ABCA1: variants seen among roughly 807,000 people sequenced by gnomAD.
ABCA1 encodes ATP binding cassette subfamily A member 1.
A neutral mutation model predicts 262.5 loss-of-function variants in ABCA1; 133 were observed. The observed-to-expected ratio is 0.51, with a 90% CI of 0.44 to 0.59. ABCA1 has a LOEUF of 0.59. Ranked by LOEUF, ABCA1 falls within the 20% of genes least tolerant of loss-of-function variation. The probability of loss-of-function intolerance (pLI) is 0.00; values close to 1 mark genes in which losing one functional copy is unlikely to be tolerated. For missense variants in ABCA1, 2,452 were observed against 2,777.5 expected (o/e 0.88, Z 2.63); for synonymous variants, 1,022 against 1,043.5 (o/e 0.98, Z 0.40).
intron 2 of ABCA1, among the ~76,000 whole-genome samples, chr9:104,890,272 C>CT (rs1480900325): frequency 1.3e-5 from 2 of 152,214 alleles, no homozygotes; most frequent in South Asian, 2.1e-4. Context: ...TTTTTGTCTT[C>CT]TTTTTTTAAA....
intron 7 of ABCA1, among the ~76,000 whole-genome samples, chr9:104,853,916 T>G (rs1835605560): frequency 6.6e-6 from 1 of 152,148 alleles, no homozygotes; most frequent in Non-Finnish European, 1.5e-5. Context: ...ATTCCTGGAG[T>G]CTGTGAATAT....
chr9:104,865,723 A>C (rs1194217998), intron 5 of ABCA1, among the ~76,000 whole-genome samples: 1 of 152,178 alleles, frequency 6.6e-6, no homozygotes, highest in Non-Finnish European at 1.5e-5. Flanking sequence ...TGAAGGTAAT[A>C]GTATCCACAT....
chr9:104,798,522 C>T lies in ABCA1; in HGVS notation c.5020G>A (p.Val1674Ile), dbSNP rs138422574. ...CTGACCCGCTCCTGGATCAGGAATA[C>T]GACAAAGCTGGCTGGGACGAAGGAC... is the stretch of plus-strand genomic sequence containing the variant. ...AMSFVPASFV[V>I]FLIQERVSKA... The change falls in exon 37 of 50, where the codon GTA becomes ATA. Residue 1674 changes from valine to isoleucine, a missense_variant. By Grantham distance (29) the Val-to-Ile change is conservative. Transcript: ENST00000374736. The T allele has an allele frequency of 5.0e-4, 799 of 1,614,092 alleles. 3 individuals are homozygous for T. The East Asian group carries it at 7.8e-3, about 16-fold the overall frequency.
Position 104,810,939 on chromosome 9 carries a change from TGGAGGG to T in ABCA1, c.4051-21_4051-16del, listed in dbSNP as rs1468249316. 6.2e-7 allele frequency: 1 copy of T among 1,613,898 alleles called. No homozygotes were observed. Among genetic ancestry groups the T allele is most frequent in the East Asian group, 2.2e-5 (1 of 44,892 alleles). On this transcript the variant is annotated splice_polypyrimidine_tract_variant and intron_variant, in intron 28 of 49. Transcript: ENST00000374736. ...GGCAAGACAATCTTTACCCAGGCAGTGGAGGGGGCAGGGGGACAGCAGGAAACGGCA... is the reference window on the plus strand; with the variant it reads ...GGCAAGACAATCTTTACCCAGGCAGTGGCAGGGGGACAGCAGGAAACGGCA...
chr9:104,923,748 T>C (rs892414099), intron 1 of ABCA1, among the ~76,000 whole-genome samples: 1 of 152,214 alleles, frequency 6.6e-6, no homozygotes, highest in Non-Finnish European at 1.5e-5. Flanking sequence ...AAAATTCAAT[T>C]AGCATTTGAT....
intron 32 of ABCA1, 114 bp downstream of exon 32, chr9:104,804,512 C>T: frequency 2.3e-6 from 2 of 868,440 alleles, no homozygotes; most frequent in South Asian, 1.3e-5. Context: ...TTCCAATAGA[C>T]AGAATCAGGC....
rs149491765 is a variant in ABCA1, at chr9:104,903,672, C to G, written c.8G>C (p.Cys3Ser). Reference protein sequence around the residue: MACWPQLRLLLWK... With the variant: MASWPQLRLLLWK... ...CAGCAGCAACCTCAGCTGAGGCCAA[C>G]AAGCCATGTTCCCTCAGCCAGCACC... The change falls in exon 2 of 50, where the codon TGT (cysteine) becomes TCT (serine). Residue 3 changes from cysteine (C) to serine (S), a missense_variant. Cys to Ser is a moderately radical substitution (Grantham distance 112). This residue lies in a region of ABCA1 where 1,032 missense variants were observed against 1,089.7 expected (regional missense o/e 0.95). Transcript: ENST00000374736. The G allele has an allele frequency of 8.9e-6, 14 of 1,579,764 alleles. No homozygotes were observed. Among genetic ancestry groups the G allele is most frequent in the South Asian group, 6.9e-5 (6 of 86,422 alleles).
intron 5 of ABCA1, among the ~76,000 whole-genome samples, chr9:104,865,257 C>T (rs1403665775): frequency 1.3e-5 from 2 of 152,108 alleles, no homozygotes; most frequent in African/African-American, 4.8e-5. Context: ...AGGGTAAGAC[C>T]CAGGCATCAG....
At chr9:104,823,655 T>C (rs750730892) in intron 18 of ABCA1, among the ~76,000 whole-genome samples, 10 of 151,828 alleles carry the variant, frequency 6.6e-5, no homozygotes, top group Non-Finnish European at 1.5e-4. Flanking sequence ...GTTGAGAAGA[T>C]AGGCAAGTTA....
In ABCA1 at chr9:104,882,472, A is replaced by G. The variant is rs369609445; in HGVS notation, c.421+567T>C. ...CTCAGTCAGAAAATGCCCACTCCCCAGATACCTCCTGGGTGGCACACAAGA... is the reference window on the plus strand; with the variant it reads ...CTCAGTCAGAAAATGCCCACTCCCCGGATACCTCCTGGGTGGCACACAAGA... On this transcript the variant is annotated intron_variant, in intron 5 of 49. Transcript: ENST00000374736. Among the ~76,000 whole-genome samples the G allele has an allele frequency of 7.2e-5, 11 of 152,326 alleles. No homozygotes were observed. The East Asian group carries it at 1.9e-3, about 27-fold the overall frequency.
In ABCA1 at chr9:104,820,314, T is replaced by C. The variant is rs534935359; in HGVS notation, c.2961-245A>G. On this transcript the variant is annotated intron_variant, in intron 20 of 49. Transcript: ENST00000374736. ...GCTTCCAACCTGTTTCCAGCAGGCC[T>C]GGCCACCATGCACCAGGCAGTTACA... is the stretch of plus-strand genomic sequence containing the variant. Among the ~76,000 whole-genome samples the C allele has an allele frequency of 4.6e-5, 7 of 152,320 alleles. 1 individual carries two copies. In the South Asian group the frequency reaches 1.5e-3, roughly 32 times the overall value.
intron 20 of ABCA1, among the ~76,000 whole-genome samples, 181 bp downstream of exon 20, chr9:104,821,194 G>T (rs181823085): frequency 1.3e-5 from 2 of 152,118 alleles, no homozygotes; most frequent in African/African-American, 4.8e-5. Flanking sequence ...AGTGAGCCGA[G>T]ATCGCGCCAC....
chr9:104,919,247 A>G (rs1390111818), intron 1 of ABCA1, among the ~76,000 whole-genome samples: 1 of 152,198 alleles, frequency 6.6e-6, no homozygotes, highest in Admixed American at 6.5e-5. Flanking sequence ...TTCTTGAAGG[A>G]TGAATGAGCC....
At chr9:104,890,032 T>C (rs893320419) in intron 2 of ABCA1, among the ~76,000 whole-genome samples, 4 of 152,318 alleles carry the variant, frequency 2.6e-5, no homozygotes, top group Admixed American at 1.3e-4. Context: ...ACGGACAAGA[T>C]GGAAATCACT....
Position 104,906,927 on chromosome 9 carries a change from C to G in ABCA1, c.-92-3156G>C, listed in dbSNP as rs76316220. 8.2e-3 allele frequency among the ~76,000 whole-genome samples: 1,241 copies of G among 152,174 alleles called. 12 individuals carry two copies. The highest frequency in any genetic ancestry group is 0.028 in the African/African-American group (1,174 of 41,518). ...CACTCTGATCCTGCTCCTAGATGACCGCAACTGCCACCTCACTGGTCTCCC... is the reference window on the plus strand; with the variant it reads ...CACTCTGATCCTGCTCCTAGATGACGGCAACTGCCACCTCACTGGTCTCCC... On this transcript the variant is annotated intron_variant, in intron 1 of 49. Transcript: ENST00000374736.
At chr9:104,808,145 T>C (rs1422020176) in intron 30 of ABCA1, among the ~76,000 whole-genome samples, 1 of 152,080 alleles carries the variant, frequency 6.6e-6, no homozygotes, top group Non-Finnish European at 1.5e-5. Flanking sequence ...ACCTAAAAAT[T>C]TGAATTTCAG....
At chr9:104,917,092 A>G (rs990004105) in intron 1 of ABCA1, among the ~76,000 whole-genome samples, 2 of 152,176 alleles carry the variant, frequency 1.3e-5, no homozygotes, top group Non-Finnish European at 2.9e-5. Flanking sequence ...GCATTCCTTA[A>G]AAGTTCTAGG....
At chr9:104,874,789 C>A (rs1224071202) in intron 5 of ABCA1, among the ~76,000 whole-genome samples, 1 of 144,640 alleles carries the variant, frequency 6.9e-6, no homozygotes, top group African/African-American at 2.5e-5. Flanking sequence ...GGGGGCAGCC[C>A]CCGCCCGGCC....
Position 104,836,967 on chromosome 9 carries a change from G to A in ABCA1, c.1311+13C>T. ...TCAAGCAGGCACATGGTAATAATGG[G>A]AGGGACACTCACCCGGACAAGGTCC... On this transcript the variant is annotated intron_variant, in intron 11 of 49. Transcript: ENST00000374736. The A allele has an allele frequency of 6.2e-7, 1 of 1,600,634 alleles. No individual in the cohort carries two copies.
Sources: gnomAD v4.1 joint callset for allele counts (sites outside exome capture counted in the v4.1 genomes callset) on GRCh38, gnomAD v4.1.1 for gene constraint, gnomAD v4.1.1 regional missense constraint, MANE v1.5 for transcripts, NCBI Gene and HGNC (gene_info 2026-07-23, HGNC 2026-07-21) for gene names.